The following KCNK10 variants were observed in gnomAD, a reference collection of about 807,000 sequenced individuals.
KCNK10 encodes potassium two pore domain channel subfamily K member 10.
A neutral mutation model predicts 47.7 loss-of-function variants in KCNK10; 25 were observed. The observed-to-expected ratio is 0.52, with a 90% CI of 0.38 to 0.73. The LOEUF is 0.73. KCNK10 is among the 30% of genes least tolerant of loss of function. The probability of loss-of-function intolerance (pLI) is 0.00; values close to 1 mark genes in which losing one functional copy is unlikely to be tolerated. For missense variants in KCNK10, 563 were observed against 714.5 expected (o/e 0.79, Z 2.42); for synonymous variants, 303 against 285.6 (o/e 1.06, Z -0.61).
In KCNK10 at chr14:88,185,906, T is replaced by C. The variant is rs1470555300; in HGVS notation, c.1261A>G (p.Ile421Val). The C allele has an allele frequency of 6.2e-7, 1 of 1,613,922 alleles. No individual in the cohort carries two copies. Among genetic ancestry groups the C allele is most frequent in the Non-Finnish European group, 8.5e-7 (1 of 1,180,018 alleles). Reference sequence around the variant, plus strand: ...CGCAGGTTGTTGGGCCGGTTGTTGATGCTCTCCTGGGATGAGGCCTTGAAG... The same window carrying C: ...CGCAGGTTGTTGGGCCGGTTGTTGACGCTCTCCTGGGATGAGGCCTTGAAG... Reference protein sequence around the residue: ...GRFKASSQESINNRPNNLRLK... With the variant: ...GRFKASSQESVNNRPNNLRLK... The change falls in exon 7 of 7, where the codon ATC (isoleucine) becomes GTC (valine). Residue 421 changes from isoleucine to valine, a missense_variant. Ile to Val is a conservative substitution (Grantham distance 29). Coordinates refer to ENST00000319231, the MANE Select transcript of KCNK10 (RefSeq NM_138317.3). This position sits in a 1 kb window ranked among gnomAD's most constrained non-coding sequence, Gnocchi z 4.3.
chr14:88,201,479 G>A (rs1349072238), intron 4 of KCNK10, among the ~76,000 whole-genome samples: 1 of 152,056 alleles, frequency 6.6e-6, no homozygotes, highest in African/African-American at 2.4e-5. Flanking sequence ...GGCCAATATG[G>A]TGAAACCCTG....
At chr14:88,256,428 G>A (rs61976996) in intron 2 of KCNK10, among the ~76,000 whole-genome samples, 32,673 of 152,034 alleles carry the variant, frequency 0.21, 4,592 homozygotes, top group Non-Finnish European at 0.3. Context: ...CGGGGAGAGA[G>A]ATCAGTGGAG....
chr14:88,269,150 T>C (rs1275372447), intron 1 of KCNK10, among the ~76,000 whole-genome samples: 2 of 152,190 alleles, frequency 1.3e-5, no homozygotes, highest in Non-Finnish European at 2.9e-5. Context: ...AAAAAAAGAA[T>C]ACGGCACATA....
chr14:88,235,383 G>A (rs1886272788), intron 3 of KCNK10: 1 of 365,472 alleles, frequency 2.7e-6, no homozygotes, highest in Non-Finnish European at 5.4e-6. Context: ...GATGGAAAGA[G>A]GCTCACCAGA....
intron 1 of KCNK10, among the ~76,000 whole-genome samples, chr14:88,297,897 T>C (rs1888019372): frequency 6.6e-6 from 1 of 152,166 alleles, no homozygotes; most frequent in South Asian, 2.1e-4. Context: ...TCTGAGGAAA[T>C]TTCCAGTGGG....
chr14:88,283,406 C>T (rs897766697), intron 1 of KCNK10, among the ~76,000 whole-genome samples: 6 of 152,068 alleles, frequency 3.9e-5, no homozygotes, highest in African/African-American at 1.5e-4. Context: ...ACAGATTTGC[C>T]GGTAGAAAAG....
At chr14:88,224,502 T>TGA (rs1885921872) in intron 4 of KCNK10, among the ~76,000 whole-genome samples, 3 of 152,326 alleles carry the variant, frequency 2.0e-5, no homozygotes, top group East Asian at 3.9e-4. Flanking sequence ...CCAATATCCC[T>TGA]CAGCAATTCT....
chr14:88,270,105 C>A lies in KCNK10; in HGVS notation c.53-6554G>T, dbSNP rs28478504. Among the ~76,000 whole-genome samples, 1,020 of 152,118 alleles carry A rather than the reference C, an allele frequency of 6.7e-3. 14 individuals carry two copies. Among genetic ancestry groups the A allele is most frequent in the African/African-American group, 0.024 (978 of 41,484 alleles). On this transcript the variant is annotated intron_variant, in intron 1 of 6. Transcript: ENST00000319231. ...CCTCCTCTCACCTCCCCCCTCCCCG[C>A]AGCCGACCTCCCACCCCTACTCTAG... is the stretch of plus-strand genomic sequence containing the variant.
At position 88,240,758 on chromosome 14, in the gene KCNK10, G is replaced by A; in HGVS notation, c.465C>T (p.Ser155=). 2 of 1,613,880 alleles carry A rather than the reference G, an allele frequency of 1.2e-6. No individual in the cohort carries two copies. The highest frequency in any genetic ancestry group is 8.5e-7 in the Non-Finnish European group (1 of 1,179,816). Residue 155 remains serine (S), a synonymous_variant, in exon 3 of 7, where the codon AGC becomes AGT. Transcript: ENST00000319231. ...AAAAGGCACTGCCGAGGTCCCAGTG[G>A]CTGCTGTTGTTGGAAGAGTTTCCTA... The part of the protein sequence containing the change: ...SPIGNSSNNS[S]HWDLGSAFFF...
chr14:88,247,071 G>A (rs559950543), intron 2 of KCNK10, among the ~76,000 whole-genome samples: 3 of 152,262 alleles, frequency 2.0e-5, no homozygotes, highest in South Asian at 2.1e-4. Context: ...CATCTGGTGC[G>A]CAGCAAAGCT....
rs557978747 is a variant in KCNK10, at chr14:88,236,980, T to C, written c.520+3723A>G. Among the ~76,000 whole-genome samples the C allele has an allele frequency of 1.0e-3, 157 of 152,354 alleles. 2 individuals carry two copies. The highest frequency in any genetic ancestry group is 1.8e-3 in the Non-Finnish European group (125 of 68,036). ...ACAACAAAGAAGTTGGCCACATCCA[T>C]TGACTCTTCCTTTCACAATTTCTCT... On this transcript the variant is annotated intron_variant, in intron 3 of 6. Transcript: ENST00000319231.
intron 6 of KCNK10, 107 bp downstream of exon 6, chr14:88,187,860 G>T: frequency 1.6e-6 from 2 of 1,284,634 alleles, no homozygotes; most frequent in Non-Finnish European, 2.2e-6. Context: ...CGCTCCCCCT[G>T]CAAAACCGAG....
intron 6 of KCNK10, among the ~76,000 whole-genome samples, 154 bp downstream of exon 6, chr14:88,187,813 G>A (rs1423784007): frequency 6.6e-6 from 1 of 152,038 alleles, no homozygotes; most frequent in African/African-American, 2.4e-5. Flanking sequence ...AGCTTTGAAG[G>A]ACTGATTCAA....
intron 3 of KCNK10, among the ~76,000 whole-genome samples, chr14:88,233,903 C>G (rs10151326): frequency 3.5e-4 from 54 of 152,304 alleles, no homozygotes; most frequent in African/African-American, 1.3e-3. Flanking sequence ...CTTCAATATA[C>G]ACACTAATGT....
At chr14:88,286,356 G>A (rs1357104578) in intron 1 of KCNK10, among the ~76,000 whole-genome samples, 1 of 152,126 alleles carries the variant, frequency 6.6e-6, no homozygotes, top group Non-Finnish European at 1.5e-5. Flanking sequence ...GGATGGCTAT[G>A]CAGCAATCCC....
chr14:88,324,191 C>G (rs1353884250), upstream of KCNK10, among the ~76,000 whole-genome samples: 1 of 152,244 alleles, frequency 6.6e-6, no homozygotes, highest in Non-Finnish European at 1.5e-5. Context: ...GGACCCAGAC[C>G]TGTTCCCGGA....
In KCNK10 at chr14:88,322,733, T is replaced by A. The variant is rs746674244; in HGVS notation, c.52+14A>T. The A allele has an allele frequency of 1.6e-5, 26 of 1,613,828 alleles. No homozygotes were observed. Among genetic ancestry groups the A allele is most frequent in the Non-Finnish European group, 2.2e-5 (26 of 1,179,930 alleles). Reference sequence around the variant, plus strand: ...GAGGCAGGGCGAGGGCAGCCAAAAGTAGGAAACACCCACCTTTAGGATCCC... The same window carrying A: ...GAGGCAGGGCGAGGGCAGCCAAAAGAAGGAAACACCCACCTTTAGGATCCC... On this transcript the variant is annotated intron_variant, in intron 1 of 6. Coordinates refer to ENST00000319231, the MANE Select transcript of KCNK10 (RefSeq NM_138317.3). This position sits in a 1 kb window ranked among gnomAD's most constrained non-coding sequence, Gnocchi z 4.8.
rs186528930 is a variant in KCNK10, at chr14:88,309,535, G to A, written c.52+13212C>T. On this transcript the variant is annotated intron_variant, in intron 1 of 6. Coordinates refer to ENST00000319231, the MANE Select transcript of KCNK10 (RefSeq NM_138317.3). ...GAGGATTGATTGAGCCCAGGAGATCGAGGCTGCAGTGAGCTGTGATTGCAC... is the reference window on the plus strand; with the variant it reads ...GAGGATTGATTGAGCCCAGGAGATCAAGGCTGCAGTGAGCTGTGATTGCAC... Among the ~76,000 whole-genome samples the A allele has an allele frequency of 4.8e-3, 734 of 152,308 alleles. 12 individuals are homozygous for A. Among genetic ancestry groups the A allele is most frequent in the African/African-American group, 0.017 (697 of 41,576 alleles).
At chr14:88,235,226 C>G in intron 3 of KCNK10, 1 of 456,674 alleles carries the variant, frequency 2.2e-6, no homozygotes, top group Non-Finnish European at 4.4e-6. Flanking sequence ...CTCCTCTCCC[C>G]AACTCCATGA....
Sources: gnomAD v4.1 joint callset for allele counts (sites outside exome capture counted in the v4.1 genomes callset) on GRCh38, gnomAD v4.1.1 for gene constraint, Gnocchi (gnomAD v3.1) non-coding constraint, MANE v1.5 for transcripts, NCBI Gene and HGNC (gene_info 2026-07-23, HGNC 2026-07-21) for gene names.